CCDC91: variants seen among roughly 807,000 people sequenced by gnomAD.
The protein encoded by CCDC91 is coiled-coil domain-containing protein 91.
In CCDC91, 48 loss-of-function variants were observed where a neutral mutation model predicts 63.2. That is an observed-to-expected ratio of 0.76 (90% CI 0.60 to 0.97). The LOEUF is 0.97. CCDC91 is among the 50% of genes least tolerant of loss of function. The pLI is 0.00. For missense variants in CCDC91, 500 were observed against 494.6 expected (o/e 1.01, Z -0.10); for synonymous variants, 167 against 165.8 (o/e 1.01, Z -0.06).
At chr12:28,323,756 C>G (rs1330488513) in intron 6 of CCDC91, among the ~76,000 whole-genome samples, 1 of 151,828 alleles carries the variant, frequency 6.6e-6, no homozygotes, top group African/African-American at 2.4e-5. Flanking sequence ...ATAAATAGGT[C>G]TTTGCCAAAT....
At position 28,315,363 on chromosome 12, in the gene CCDC91, A is replaced by T. The variant is rs1565784234; in HGVS notation, c.576+7614A>T. On this transcript the variant is annotated intron_variant, in intron 6 of 12. Coordinates refer to ENST00000536442, the MANE Select transcript of CCDC91 (RefSeq NM_018318.5). ...GTATTTTTAGTAGAGATGCGGTCTC[A>T]CCATGTTCACCAGGCTGGCTTTGAA... is the stretch of plus-strand genomic sequence containing the variant. Among the ~76,000 whole-genome samples the T allele has an allele frequency of 2.6e-5, 4 of 151,884 alleles. No individual in the cohort carries two copies. The South Asian group carries it at 8.3e-4, about 32-fold the overall frequency.
chr12:28,482,301 A>T (rs1207464942), intron 11 of CCDC91, among the ~76,000 whole-genome samples: 2 of 151,916 alleles, frequency 1.3e-5, no homozygotes, highest in African/African-American at 4.8e-5. Context: ...TTTTTCTTTT[A>T]TAAATTGCTG....
At chr12:28,234,076 C>G (rs963620704) in intron 1 of CCDC91, among the ~76,000 whole-genome samples, 2 of 151,936 alleles carry the variant, frequency 1.3e-5, no homozygotes, top group Non-Finnish European at 2.9e-5. Context: ...ATTTAAAAAG[C>G]ATTTTTCAAA....
chr12:28,203,143 C>T (rs1240750593), intron 1 of CCDC91, among the ~76,000 whole-genome samples: 1 of 152,160 alleles, frequency 6.6e-6, no homozygotes, highest in African/African-American at 2.4e-5. Context: ...GTTTTCAAGG[C>T]TCTCATGGTA....
chr12:28,426,757 T>A (rs1273400220), intron 8 of CCDC91, among the ~76,000 whole-genome samples: 2 of 152,220 alleles, frequency 1.3e-5, no homozygotes, highest in African/African-American at 4.8e-5. Flanking sequence ...TTGTTATTTT[T>A]AAATTCTTAC....
At chr12:28,338,111 G>A (rs1011201734) in intron 6 of CCDC91, among the ~76,000 whole-genome samples, 7 of 152,080 alleles carry the variant, frequency 4.6e-5, no homozygotes, top group African/African-American at 1.7e-4. Flanking sequence ...GGTGGTGATG[G>A]TGCTTTGAAG....
chr12:28,416,692 A>G (rs1034654923), intron 8 of CCDC91, among the ~76,000 whole-genome samples: 4 of 152,126 alleles, frequency 2.6e-5, no homozygotes, highest in Admixed American at 2.6e-4. Flanking sequence ...ACTAAGTTAG[A>G]TTCTTGCTGA....
In CCDC91 at chr12:28,306,874, C is replaced by G; in HGVS notation, c.400C>G (p.Leu134Val). ...DPGANVSNIQ[L>V]QQKISSLEIK... ...TGGAGCCAATGTATCTAACATACAG[C>G]TTCAGCAAAAAATTTCAAGTCTGGA... is the stretch of plus-strand genomic sequence containing the variant. The change falls in exon 5 of 13, where the codon CTT becomes GTT. Residue 134 changes from leucine (L) to valine (V), a missense_variant. Physicochemically the swap from Leu to Val is conservative, Grantham distance 32. Transcript: ENST00000536442. The G allele has an allele frequency of 6.2e-7, 1 of 1,611,976 alleles. No individual in the cohort carries two copies. The highest frequency in any genetic ancestry group is 8.5e-7 in the Non-Finnish European group (1 of 1,178,650).
chr12:28,500,330 A>G (rs1462167437), intron 12 of CCDC91, among the ~76,000 whole-genome samples: 1 of 152,008 alleles, frequency 6.6e-6, no homozygotes, highest in Non-Finnish European at 1.5e-5. Context: ...TTTGCTGTGC[A>G]GAAGCTCTTT....
intron 12 of CCDC91, among the ~76,000 whole-genome samples, chr12:28,545,201 A>G (rs1372108888): frequency 1.3e-5 from 2 of 152,110 alleles, no homozygotes; most frequent in Admixed American, 6.6e-5. Flanking sequence ...ATGTCACAGA[A>G]TACAAATCTT....
chr12:28,395,232 C>G (rs1946217068), intron 8 of CCDC91, among the ~76,000 whole-genome samples: 1 of 152,176 alleles, frequency 6.6e-6, no homozygotes, highest in African/African-American at 2.4e-5. Context: ...ACTTTTGACA[C>G]CAGATGTGTG....
chr12:28,246,080 A>G (rs1420576251), intron 1 of CCDC91, among the ~76,000 whole-genome samples: 1 of 152,188 alleles, frequency 6.6e-6, no homozygotes, highest in Non-Finnish European at 1.5e-5. Context: ...AAAAGAATGA[A>G]TAATAGCCAT....
intron 12 of CCDC91, among the ~76,000 whole-genome samples, chr12:28,518,566 G>A (rs1215642546): frequency 6.6e-6 from 1 of 151,994 alleles, no homozygotes; most frequent in Non-Finnish European, 1.5e-5. Flanking sequence ...TTTGTCAGAT[G>A]TATAGATTGT....
chr12:28,271,070 TAGAG>T (rs1441335845), intron 3 of CCDC91, among the ~76,000 whole-genome samples: 2 of 152,000 alleles, frequency 1.3e-5, no homozygotes, highest in African/African-American at 4.8e-5. Context: ...AATAAAGGGA[TAGAG>T]AGAGTGAGGT....
intron 7 of CCDC91, among the ~76,000 whole-genome samples, chr12:28,389,939 T>C (rs1314900084): frequency 6.6e-6 from 1 of 152,154 alleles, no homozygotes; most frequent in Non-Finnish European, 1.5e-5. Flanking sequence ...CTTTTGTGCC[T>C]TACATAAATT....
At chr12:28,364,635 T>C (rs1944153598) in intron 7 of CCDC91, among the ~76,000 whole-genome samples, 1 of 152,116 alleles carries the variant, frequency 6.6e-6, no homozygotes, top group Admixed American at 6.5e-5. Flanking sequence ...ATGAGAAATG[T>C]TTGGGGAAGA....
chr12:28,268,643 T>C (rs1947526140), intron 3 of CCDC91: 1 of 985,042 alleles, frequency 1.0e-6, no homozygotes, highest in Non-Finnish European at 1.2e-6. Context: ...GCCACAGAGC[T>C]ATATCCAGGA....
At chr12:28,502,755 A>G (rs1474465249) in intron 12 of CCDC91, among the ~76,000 whole-genome samples, 2 of 151,102 alleles carry the variant, frequency 1.3e-5, no homozygotes, top group African/African-American at 4.9e-5. Flanking sequence ...ATGGAACAGA[A>G]CAGAGCCCTC....
chr12:28,415,306 C>T (rs1947576987), intron 8 of CCDC91, among the ~76,000 whole-genome samples: 1 of 152,012 alleles, frequency 6.6e-6, no homozygotes, highest in South Asian at 2.1e-4. Flanking sequence ...TCACTGCAAC[C>T]TCCACCTCCC....
Sources: allele counts gnomAD v4.1 joint callset (sites outside exome capture counted in the v4.1 genomes callset), GRCh38; gene constraint gnomAD v4.1.1; transcripts MANE v1.5; gene names NCBI Gene and HGNC (gene_info 2026-07-23, HGNC 2026-07-21).